Variants in MBOAT1 observed in about 807,000 individuals in gnomAD.
The protein encoded by MBOAT1 is membrane-bound glycerophospholipid O-acyltransferase 1.
A neutral mutation model predicts 64.4 loss-of-function variants in MBOAT1; 67 were observed. The observed-to-expected ratio is 1.04, with a 90% confidence interval of 0.85 to 1.27. The LOEUF (loss-of-function observed/expected upper bound fraction) is 1.27. MBOAT1 is among the 50% of genes most tolerant of loss of function. The probability of loss-of-function intolerance (pLI) is 0.00; values close to 1 mark genes in which losing one functional copy is unlikely to be tolerated. For synonymous variants in MBOAT1, 229 were observed against 218.9 expected, an observed-to-expected ratio of 1.05 and a Z score of -0.41; for missense variants, 563 against 604.6, an observed-to-expected ratio of 0.93 and a Z score of 0.72.
chr6:20,112,994 C>A lies in MBOAT1; in HGVS notation c.1091G>T (p.Arg364Leu), dbSNP rs143520373. The change falls in exon 11 of 13, where the codon CGG becomes CTG. Residue 364 changes from arginine to leucine, a missense_variant. By Grantham distance (102) the Arg-to-Leu change is moderately radical. Coordinates refer to ENST00000324607, the MANE Select transcript of MBOAT1 (RefSeq NM_001080480.3). Reference sequence around the variant, plus strand: ...TAGCACCGTGGGGTACCATGGAACCCGCTGATAGCACACACTGTGAAGAGA... The same window carrying A: ...TAGCACCGTGGGGTACCATGGAACCAGCTGATAGCACACACTGTGAAGAGA... ...ATWLKCVCYQ[R>L]VPWYPTVLTF... is the part of the protein sequence containing the mutation. 1.3e-4 allele frequency: 202 copies of A among 1,613,850 alleles called. No individual in the cohort carries two copies. Among genetic ancestry groups the A allele is most frequent in the Non-Finnish European group, 1.6e-4 (188 of 1,179,874 alleles).
intron 1 of MBOAT1, among the ~76,000 whole-genome samples, chr6:20,154,438 C>T (rs1437851368): frequency 1.3e-5 from 2 of 152,108 alleles, no homozygotes; most frequent in South Asian, 2.1e-4. Flanking sequence ...GAGGCTGAAG[C>T]AGGAGAATCG....
intron 12 of MBOAT1, among the ~76,000 whole-genome samples, chr6:20,108,705 T>C (rs1345663673): frequency 6.6e-6 from 1 of 152,236 alleles, no homozygotes; most frequent in Non-Finnish European, 1.5e-5. Context: ...GAAAAGCCTG[T>C]GCAACTCATT....
At chr6:20,153,914 A>C (rs1761600843) in intron 1 of MBOAT1, among the ~76,000 whole-genome samples, 1 of 152,266 alleles carries the variant, frequency 6.6e-6, no homozygotes, top group Non-Finnish European at 1.5e-5. Flanking sequence ...CAAATACATT[A>C]AGTGGTTTAA....
chr6:20,142,187 G>A (rs1218301764), intron 4 of MBOAT1, among the ~76,000 whole-genome samples: 6 of 152,118 alleles, frequency 3.9e-5, no homozygotes, highest in African/African-American at 4.8e-5. Flanking sequence ...GTTTAATAAT[G>A]AGTCTCCTGG....
chr6:20,180,311 C>T (rs146628970), intron 1 of MBOAT1, among the ~76,000 whole-genome samples: 1 of 152,222 alleles, frequency 6.6e-6, no homozygotes, highest in African/African-American at 2.4e-5. Flanking sequence ...TTCAACAAAC[C>T]CTGATAGCTC....
chr6:20,163,079 A>G (rs577301911), intron 1 of MBOAT1, among the ~76,000 whole-genome samples: 2 of 152,326 alleles, frequency 1.3e-5, no homozygotes, highest in African/African-American at 4.8e-5. Context: ...AACTTACTCC[A>G]ATGGCTAAAA....
intron 1 of MBOAT1, among the ~76,000 whole-genome samples, chr6:20,193,066 C>T (rs112566877): frequency 0.02 from 2,417 of 120,578 alleles, 68 homozygotes; most frequent in African/African-American, 0.072. Context: ...AGTGCAGTGG[C>T]GAGATCTCGG....
At chr6:20,124,777 G>A (rs1422089425) in intron 7 of MBOAT1, among the ~76,000 whole-genome samples, 177 bp from the exon 8 acceptor site, 1 of 152,180 alleles carries the variant, frequency 6.6e-6, no homozygotes, top group African/African-American at 2.4e-5. Context: ...GAGATTAGGT[G>A]CTATATTTAG....
At chr6:20,143,762 TTTAAAAAAAGA>T in intron 4 of MBOAT1, among the ~76,000 whole-genome samples, 1 of 152,126 alleles carries the variant, frequency 6.6e-6, no homozygotes, top group East Asian at 1.9e-4. Context: ...TTTTAAAAAG[TTTAAAAAAAGA>T]GAGATGAAAA....
At chr6:20,133,478 G>A (rs536076874) in intron 4 of MBOAT1, among the ~76,000 whole-genome samples, 4 of 152,230 alleles carry the variant, frequency 2.6e-5, no homozygotes, top group South Asian at 2.1e-4. Context: ...AGATTCACTC[G>A]AAGCATCACA....
chr6:20,139,348 C>CA (rs1464943470), intron 4 of MBOAT1, among the ~76,000 whole-genome samples: 2 of 151,934 alleles, frequency 1.3e-5, no homozygotes, highest in Non-Finnish European at 2.9e-5. Flanking sequence ...GGCTGGTTTC[C>CA]ATCTCCAAGT....
chr6:20,182,566 A>G (rs1337607145), intron 1 of MBOAT1, among the ~76,000 whole-genome samples: 2 of 152,164 alleles, frequency 1.3e-5, no homozygotes, highest in Non-Finnish European at 2.9e-5. Context: ...GAAGGGAATG[A>G]GTGACTCTGA....
intron 1 of MBOAT1, among the ~76,000 whole-genome samples, chr6:20,192,354 C>T (rs1187857817): frequency 1.3e-5 from 2 of 152,100 alleles, no homozygotes; most frequent in Non-Finnish European, 2.9e-5. Context: ...TGTTATCCTC[C>T]AAGTTGAGTC....
At chr6:20,178,981 C>T (rs927550852) in intron 1 of MBOAT1, among the ~76,000 whole-genome samples, 48 of 151,234 alleles carry the variant, frequency 3.2e-4, no homozygotes, top group Non-Finnish European at 6.2e-4. Flanking sequence ...GCAGGATGTG[C>T]AGGTTTGTTA....
chr6:20,152,494 T>C, intron 2 of MBOAT1, 130 bp downstream of exon 2: 2 of 904,808 alleles, frequency 2.2e-6, no homozygotes, highest in Non-Finnish European at 3.2e-6. Context: ...TACTATAAGG[T>C]ATTTACAATA....
At chr6:20,179,664 G>A (rs993685174) in intron 1 of MBOAT1, among the ~76,000 whole-genome samples, 3 of 152,040 alleles carry the variant, frequency 2.0e-5, no homozygotes, top group Admixed American at 2.0e-4. Flanking sequence ...ACATTCCTTT[G>A]GGGATAGACC....
chr6:20,113,147 T>C (rs949931342), intron 10 of MBOAT1, 139 bp from the exon 11 acceptor site: 1 of 1,035,600 alleles, frequency 9.7e-7, no homozygotes, highest in East Asian at 2.6e-5. Context: ...CTTCGGGGAC[T>C]TGCAGTGCAA....
chr6:20,170,822 G>A (rs914648621), intron 1 of MBOAT1, among the ~76,000 whole-genome samples: 1 of 152,168 alleles, frequency 6.6e-6, no homozygotes, highest in African/African-American at 2.4e-5. Context: ...ACTTCAAGAA[G>A]GCGGAAACCA....
At chr6:20,188,235 G>A (rs890620539) in intron 1 of MBOAT1, among the ~76,000 whole-genome samples, 2 of 152,178 alleles carry the variant, frequency 1.3e-5, no homozygotes, top group Non-Finnish European at 2.9e-5. Context: ...GAAATAGCAA[G>A]TTGCCTAATC....
Sources: gnomAD v4.1 joint callset for allele counts (sites outside exome capture counted in the v4.1 genomes callset) on GRCh38, gnomAD v4.1.1 for gene constraint, MANE v1.5 for transcripts, NCBI Gene and HGNC (gene_info 2026-07-23, HGNC 2026-07-21) for gene names.